Variants in PDZRN3 observed in about 807,000 individuals in gnomAD.
PDZRN3 encodes the protein PDZ domain containing ring finger 3.
PDZRN3 carries 38 observed loss-of-function variants against 85.7 expected under a neutral mutation model. The observed-to-expected ratio is 0.44, with a 90% CI of 0.34 to 0.58. PDZRN3 has a LOEUF of 0.58. Ranked by LOEUF, PDZRN3 falls within the 20% of genes least tolerant of loss-of-function variation. The pLI is 0.01. For synonymous variants in PDZRN3, 759 were observed against 638.0 expected, an observed-to-expected ratio of 1.19 and a Z score of -2.86; for missense variants, 1,629 against 1,506.4, an observed-to-expected ratio of 1.08 and a Z score of -1.35.
chr3:73,384,085 C>A lies in PDZRN3; in HGVS notation c.2481G>T (p.Lys827Asn), dbSNP rs1221109595. The part of the protein sequence containing the change: ...VGTPTYSPSL[K>N]ELDPNQPLES... ...CCAGGGGCTGGTTGGGGTCCAGCTC[C>A]TTCAGGGACGGGCTATAGGTAGGGG... Residue 827 changes from lysine (K) to asparagine (N), a missense_variant, in exon 10 of 10, where the codon AAG (lysine) becomes AAT (asparagine). Lys to Asn is a moderately conservative substitution (Grantham distance 94, BLOSUM62 0). Transcript: ENST00000263666. 1 of 1,613,218 alleles carries A rather than the reference C, an allele frequency of 6.2e-7. No individual in the cohort carries two copies. The highest frequency in any genetic ancestry group is 1.7e-5 in the Admixed American group (1 of 59,962).
In PDZRN3 at chr3:73,462,275, T is replaced by G. The variant is rs184436806; in HGVS notation, c.919-57880A>C. Among the ~76,000 whole-genome samples, 640 of 152,040 alleles carry G rather than the reference T, an allele frequency of 4.2e-3. 2 individuals are homozygous for G. The highest frequency in any genetic ancestry group is 0.012 in the Admixed American group (178 of 15,290). On this transcript the variant is annotated intron_variant, in intron 3 of 9. Coordinates refer to ENST00000263666, the MANE Select transcript of PDZRN3 (RefSeq NM_015009.3). ...ATACTTTTGTCATTAAAAGGTCACATAGTTTGTGAACCTTTAAAAAAGGAA... is the reference window on the plus strand; with the variant it reads ...ATACTTTTGTCATTAAAAGGTCACAGAGTTTGTGAACCTTTAAAAAAGGAA...
intron 3 of PDZRN3, among the ~76,000 whole-genome samples, chr3:73,456,491 T>C (rs1452518663): frequency 1.3e-5 from 2 of 152,110 alleles, no homozygotes; most frequent in Non-Finnish European, 2.9e-5. Context: ...AAAGAAAAAA[T>C]AAAATTATTC....
At chr3:73,466,474 C>A (rs1703217150) in intron 3 of PDZRN3, among the ~76,000 whole-genome samples, 1 of 152,138 alleles carries the variant, frequency 6.6e-6, no homozygotes, top group African/African-American at 2.4e-5. Context: ...AAAACCTCAC[C>A]TGAATTGGTG....
At chr3:73,554,457 C>T (rs1386120393) in intron 3 of PDZRN3, among the ~76,000 whole-genome samples, 3 of 152,066 alleles carry the variant, frequency 2.0e-5, no homozygotes, top group Non-Finnish European at 4.4e-5. Flanking sequence ...TCATCATCGT[C>T]ATCGACATCA....
At chr3:73,477,050 G>C (rs759159273) in intron 3 of PDZRN3, among the ~76,000 whole-genome samples, 1 of 152,106 alleles carries the variant, frequency 6.6e-6, no homozygotes, top group Non-Finnish European at 1.5e-5. Flanking sequence ...TTCTTATAAT[G>C]TATCAGACAG....
At chr3:73,487,650 A>G (rs1481140864) in intron 3 of PDZRN3, among the ~76,000 whole-genome samples, 1 of 152,162 alleles carries the variant, frequency 6.6e-6, no homozygotes, top group African/African-American at 2.4e-5. Context: ...TAAATTTGGG[A>G]CAGATATGCC....
At chr3:73,563,013 A>ATATATATTTTTTT (rs1187151191) in intron 3 of PDZRN3, among the ~76,000 whole-genome samples, 1 of 43,760 alleles carries the variant, frequency 2.3e-5, no homozygotes, top group Non-Finnish European at 3.7e-5. Flanking sequence ...ATATATATAT[A>ATATATATTTTTTT]TTTTTTTTTT....
At chr3:73,602,223 G>A (rs943585153) in intron 3 of PDZRN3, 131 bp downstream of exon 3, 12 of 639,576 alleles carry the variant, frequency 1.9e-5, no homozygotes, top group Admixed American at 1.3e-4. Context: ...CCACACAATG[G>A]GAAAAGTGAG....
chr3:73,500,249 A>G (rs1703951935), intron 3 of PDZRN3, among the ~76,000 whole-genome samples: 1 of 152,114 alleles, frequency 6.6e-6, no homozygotes, highest in African/African-American at 2.4e-5. Flanking sequence ...GGGTCTCACT[A>G]TATTGCCCAG....
intron 3 of PDZRN3, among the ~76,000 whole-genome samples, chr3:73,517,935 T>C (rs1704283816): frequency 6.6e-6 from 1 of 152,156 alleles, no homozygotes; most frequent in South Asian, 2.1e-4. Context: ...TAACTGGAGA[T>C]GAAAAGAGTA....
At chr3:73,612,801 G>T (rs969944742) in intron 1 of PDZRN3, among the ~76,000 whole-genome samples, 13 of 152,158 alleles carry the variant, frequency 8.5e-5, no homozygotes, top group African/African-American at 3.1e-4. Flanking sequence ...GAATGATAAT[G>T]GTTCCTTCTC....
intron 3 of PDZRN3, among the ~76,000 whole-genome samples, chr3:73,598,432 T>C (rs976032588): frequency 6.6e-6 from 1 of 152,080 alleles, no homozygotes; most frequent in Non-Finnish European, 1.5e-5. Context: ...GGGTCGGAAG[T>C]TGTAAAAAGG....
chr3:73,571,503 C>T (rs1014670496), intron 3 of PDZRN3, among the ~76,000 whole-genome samples: 1 of 152,172 alleles, frequency 6.6e-6, no homozygotes. Context: ...AGGGGCAGTC[C>T]AGCTGTAGTC....
intron 3 of PDZRN3, among the ~76,000 whole-genome samples, chr3:73,550,152 C>T (rs575840453): frequency 1.2e-4 from 19 of 152,266 alleles, no homozygotes; most frequent in African/African-American, 4.1e-4. Flanking sequence ...GAAAGATCTC[C>T]GCAGGCCAGT....
intron 3 of PDZRN3, among the ~76,000 whole-genome samples, chr3:73,449,206 T>C (rs898110425): frequency 1.3e-5 from 2 of 152,160 alleles, no homozygotes; most frequent in African/African-American, 4.8e-5. Flanking sequence ...GACAGAGCCT[T>C]GGGACCCAGC....
At chr3:73,623,759 G>A (rs567904767) in intron 1 of PDZRN3, 20 of 215,150 alleles carry the variant, frequency 9.3e-5, no homozygotes, top group Middle Eastern at 3.0e-3. Context: ...TCCCCTAGCT[G>A]GTCTGAGCAG....
At chr3:73,476,559 G>A (rs1703453397) in intron 3 of PDZRN3, among the ~76,000 whole-genome samples, 1 of 152,162 alleles carries the variant, frequency 6.6e-6, no homozygotes, top group Non-Finnish European at 1.5e-5. Context: ...CTGTCCCAAG[G>A]TTGTTGTGTG....
chr3:73,426,620 A>C (rs1702320972), intron 3 of PDZRN3, among the ~76,000 whole-genome samples: 1 of 152,212 alleles, frequency 6.6e-6, no homozygotes, highest in Non-Finnish European at 1.5e-5. Flanking sequence ...CAAAGACTCA[A>C]GAAAATCTGT....
In PDZRN3 at chr3:73,391,054, C is replaced by T. The variant is rs542152332; in HGVS notation, c.1317G>A (p.Thr439=). The change falls in exon 6 of 10, where the codon ACG becomes ACA. Residue 439 remains threonine (T), a synonymous_variant. Coordinates refer to ENST00000263666, the MANE Select transcript of PDZRN3 (RefSeq NM_015009.3). ...DKLGLTVCYR[T]DDEDDIGIYI... ...AAATCCCAATGTCGTCTTCATCGTC[C>T]GTCCGGTAGCACACAGTGAGGCCCA... is the stretch of plus-strand genomic sequence containing the variant. 28 of 1,613,574 alleles carry T rather than the reference C, an allele frequency of 1.7e-5. No homozygotes were observed. Among genetic ancestry groups the T allele is most frequent in the South Asian group, 9.9e-5 (9 of 91,036 alleles).
Sources: gnomAD v4.1 joint callset for allele counts (sites outside exome capture counted in the v4.1 genomes callset) on GRCh38, gnomAD v4.1.1 for gene constraint, MANE v1.5 for transcripts, NCBI Gene and HGNC (gene_info 2026-07-23, HGNC 2026-07-21) for gene names.